The following FER variants were observed in gnomAD, a reference collection of about 807,000 sequenced individuals.
FER encodes the protein FER tyrosine kinase, also known as tyrosine-protein kinase Fer.
In FER, 63 loss-of-function variants were observed where a neutral mutation model predicts 111.0. The observed-to-expected ratio is 0.57, with a 90% CI of 0.46 to 0.70. FER has a LOEUF of 0.70. Ranked by LOEUF, FER falls within the 30% of genes least tolerant of loss-of-function variation. The pLI is 0.00. For synonymous variants in FER, 327 were observed against 313.9 expected, an observed-to-expected ratio of 1.04 and a Z score of -0.44; for missense variants, 914 against 954.0, an observed-to-expected ratio of 0.96 and a Z score of 0.55.
intron 3 of FER, among the ~76,000 whole-genome samples, chr5:108,818,895 G>T (rs1303897785): frequency 6.6e-6 from 1 of 152,188 alleles, no homozygotes; most frequent in Non-Finnish European, 1.5e-5. Flanking sequence ...TAAAGGAGTA[G>T]ATAGCTTTTC....
chr5:108,997,601 A>AC (rs1232033959), intron 13 of FER, among the ~76,000 whole-genome samples: 6 of 151,984 alleles, frequency 3.9e-5, no homozygotes, highest in African/African-American at 1.5e-4. Context: ...GTGATGAGAG[A>AC]CGGGGTCAGG....
intron 9 of FER, among the ~76,000 whole-genome samples, chr5:108,893,096 T>C (rs188027836): frequency 6.2e-4 from 95 of 152,312 alleles, no homozygotes; most frequent in Non-Finnish European, 1.2e-3. Flanking sequence ...TGAAGTCAGG[T>C]ATCGTGATGC....
At chr5:108,892,707 A>T (rs1159005042) in intron 9 of FER, among the ~76,000 whole-genome samples, 1 of 152,078 alleles carries the variant, frequency 6.6e-6, no homozygotes, top group African/African-American at 2.4e-5. Context: ...TTTTGTTGCC[A>T]TTTCTTTTGG....
chr5:109,023,135 T>G (rs72790548), intron 13 of FER, among the ~76,000 whole-genome samples: 17,798 of 152,098 alleles, frequency 0.12, 1,099 homozygotes, highest in Non-Finnish European at 0.14. Context: ...TCTTAACTGG[T>G]AGGAGTAGAG....
At chr5:108,859,783 T>A (rs975867988) in intron 5 of FER, among the ~76,000 whole-genome samples, 1 of 152,088 alleles carries the variant, frequency 6.6e-6, no homozygotes, top group African/African-American at 2.4e-5. Context: ...TGTTTTATAT[T>A]GAATTTTTAA....
intron 14 of FER, among the ~76,000 whole-genome samples, chr5:109,042,976 G>A (rs1771393190): frequency 6.6e-6 from 1 of 152,108 alleles, no homozygotes; most frequent in African/African-American, 2.4e-5. Context: ...GATTAATTTG[G>A]CAGTGCTGTT....
intron 17 of FER, among the ~76,000 whole-genome samples, chr5:109,128,367 T>C (rs923482747): frequency 2.6e-5 from 4 of 152,138 alleles, no homozygotes; most frequent in African/African-American, 9.7e-5. Flanking sequence ...CAACTTTCAA[T>C]TGTAAGTTTT....
At chr5:108,912,801 G>A (rs576043283) in intron 10 of FER, among the ~76,000 whole-genome samples, 9 of 152,336 alleles carry the variant, frequency 5.9e-5, no homozygotes, top group African/African-American at 2.2e-4. Flanking sequence ...ACCTGGGCTG[G>A]TTGTATCAAT....
chr5:109,012,748 A>C (rs906305147), intron 13 of FER, among the ~76,000 whole-genome samples: 3 of 152,212 alleles, frequency 2.0e-5, no homozygotes, highest in Admixed American at 1.3e-4. Context: ...GTTTCTTTTA[A>C]ATTATGAAGT....
chr5:109,180,428 C>T (rs1758168683), intron 17 of FER, among the ~76,000 whole-genome samples: 2 of 152,130 alleles, frequency 1.3e-5, no homozygotes, highest in Non-Finnish European at 2.9e-5. Context: ...TCTAGGAAAG[C>T]CAAAGGAGAA....
intron 17 of FER, among the ~76,000 whole-genome samples, chr5:109,104,539 C>T (rs1280087947): frequency 6.6e-6 from 1 of 151,992 alleles, no homozygotes; most frequent in Non-Finnish European, 1.5e-5. Context: ...ATGGGTGTGT[C>T]ACTGAATAGA....
chr5:109,179,097 A>G (rs1758013046), intron 17 of FER, among the ~76,000 whole-genome samples: 1 of 152,200 alleles, frequency 6.6e-6, no homozygotes. Flanking sequence ...CTTGTAAATC[A>G]TTAATTCTAG....
intron 13 of FER, among the ~76,000 whole-genome samples, chr5:109,029,328 TG>T (rs1321437473): frequency 2.0e-5 from 3 of 150,666 alleles, no homozygotes; most frequent in Non-Finnish European, 4.4e-5. Flanking sequence ...ACATGTGCCA[TG>T]CTGGTGTGCT....
At chr5:109,052,266 G>C (rs1471787413) in intron 16 of FER, 19 of 1,606,878 alleles carry the variant, frequency 1.2e-5, no homozygotes, top group Non-Finnish European at 1.6e-5. Context: ...TGTCATAGCA[G>C]ACATTTTCAC....
At chr5:108,824,670 G>A (rs1759250795) in intron 3 of FER, among the ~76,000 whole-genome samples, 1 of 151,802 alleles carries the variant, frequency 6.6e-6, no homozygotes. Flanking sequence ...TTTTAAAAAA[G>A]AAAAAAGAAA....
At chr5:109,184,741 A>T (rs995430656) in intron 18 of FER, among the ~76,000 whole-genome samples, 5 of 152,234 alleles carry the variant, frequency 3.3e-5, no homozygotes, top group African/African-American at 4.8e-5. Context: ...TCTATCTACT[A>T]AGAAGGACGC....
At chr5:108,941,474 C>T (rs1756259180) in intron 10 of FER, among the ~76,000 whole-genome samples, 1 of 152,040 alleles carries the variant, frequency 6.6e-6, no homozygotes, top group African/African-American at 2.4e-5. Flanking sequence ...TTAATATAGC[C>T]GTTACAAAAA....
At chr5:109,067,157 C>G (rs2149982635) in intron 16 of FER, among the ~76,000 whole-genome samples, 1 of 152,246 alleles carries the variant, frequency 6.6e-6, no homozygotes, top group Middle Eastern at 3.4e-3. Context: ...TAGGACCTTA[C>G]AGGTCAGGGT....
intron 1 of FER, among the ~76,000 whole-genome samples, chr5:108,756,103 G>A (rs1432593397): frequency 6.8e-6 from 1 of 147,670 alleles, no homozygotes; most frequent in East Asian, 2.0e-4. Context: ...GCGGTGAGCC[G>A]AGACCATGCC....
Sources: gnomAD v4.1 joint callset for allele counts (sites outside exome capture counted in the v4.1 genomes callset) on GRCh38, gnomAD v4.1.1 for gene constraint, MANE v1.5 for transcripts, NCBI Gene and HGNC (gene_info 2026-07-23, HGNC 2026-07-21) for gene names.